Variants in PLXDC1 observed in about 807,000 individuals in gnomAD.
PLXDC1 encodes the protein plexin domain containing 1, also known as plexin domain-containing protein 1.
Under a neutral mutation model 61.3 loss-of-function variants are expected in PLXDC1, and 39 were observed. That is an observed-to-expected ratio of 0.64 (90% CI 0.49 to 0.83). The LOEUF (loss-of-function observed/expected upper bound fraction) is 0.83. Among genes scored for constraint, PLXDC1 ranks in the 40% least tolerant of loss-of-function variants. The probability of loss-of-function intolerance (pLI) is 0.00; values close to 1 mark genes in which losing one functional copy is unlikely to be tolerated. For missense variants in PLXDC1, 596 were observed against 666.5 expected, an observed-to-expected ratio of 0.89 and a Z score of 1.17; for synonymous variants, 212 against 254.5, an observed-to-expected ratio of 0.83 and a Z score of 1.59.
At chr17:39,094,947 A>G (rs1480537783) in intron 7 of PLXDC1, among the ~76,000 whole-genome samples, 1 of 152,150 alleles carries the variant, frequency 6.6e-6, no homozygotes, top group Non-Finnish European at 1.5e-5. Flanking sequence ...TTCCCTCATC[A>G]GAAGGAAGGG....
intron 7 of PLXDC1, among the ~76,000 whole-genome samples, chr17:39,094,925 C>T (rs1434938700): frequency 6.6e-6 from 1 of 152,164 alleles, no homozygotes; most frequent in Non-Finnish European, 1.5e-5. Context: ...TGCAAGGCTG[C>T]AGGGCAGAGC....
At chr17:39,104,017 C>T (rs973505311) in intron 7 of PLXDC1, among the ~76,000 whole-genome samples, 3 of 152,118 alleles carry the variant, frequency 2.0e-5, no homozygotes, top group Non-Finnish European at 2.9e-5. Flanking sequence ...ATCTGACCTG[C>T]GACACCAGCA....
chr17:39,108,757 C>T lies in PLXDC1; in HGVS notation c.469+147G>A, dbSNP rs570334395. 1.1e-5 allele frequency: 7 copies of T among 642,954 alleles called. No individual in the cohort carries two copies. The East Asian group carries it at 1.4e-4, about 13-fold the overall frequency. 39.8% of individuals were successfully genotyped at this position (642,954 alleles called of 1,614,324 possible). ...GATGCTCTGACGTCCACTGACCCCCCTCCTGAGAATCAGACTCCTATTAGA... is the reference window on the plus strand; with the variant it reads ...GATGCTCTGACGTCCACTGACCCCCTTCCTGAGAATCAGACTCCTATTAGA... On this transcript the variant is annotated intron_variant, in intron 4 of 13. Coordinates refer to ENST00000315392, the MANE Select transcript of PLXDC1 (RefSeq NM_020405.5).
At chr17:39,079,059 C>T in intron 10 of PLXDC1, 45 bp downstream of exon 10, 1 of 1,546,128 alleles carries the variant, frequency 6.5e-7, no homozygotes, top group Non-Finnish European at 8.9e-7. Context: ...CTCCTGTTCC[C>T]CACCACCTGG....
Position 39,149,147 on chromosome 17 carries a change from G to A in PLXDC1, c.76+2215C>T, listed in dbSNP as rs3025186. On this transcript the variant is annotated intron_variant, in intron 1 of 13. Transcript: ENST00000315392. ...TTGGGCCACTCATCTCTCTGCTGCTGCTGTTCTAATGATAGATGAGGTTTC... is the reference window on the plus strand; with the variant it reads ...TTGGGCCACTCATCTCTCTGCTGCTACTGTTCTAATGATAGATGAGGTTTC... Among the ~76,000 whole-genome samples the A allele has an allele frequency of 2.5e-3, 384 of 152,252 alleles. 2 individuals carry two copies. The highest frequency in any genetic ancestry group is 3.5e-3 in the Non-Finnish European group (239 of 68,012).
intron 9 of PLXDC1, chr17:39,080,366 G>C (rs1251987021): frequency 2.6e-5 from 4 of 152,182 alleles, no homozygotes; most frequent in Non-Finnish European, 5.9e-5. Context: ...CCCCATTTCT[G>C]GAGCTAATCC....
intron 2 of PLXDC1, among the ~76,000 whole-genome samples, chr17:39,129,045 C>T (rs751125003): frequency 2.2e-4 from 34 of 151,860 alleles, no homozygotes; most frequent in Non-Finnish European, 3.7e-4. Flanking sequence ...ATGCCAGATG[C>T]GGTGGTGCAC....
chr17:39,141,938 T>C (rs937661639), intron 1 of PLXDC1, among the ~76,000 whole-genome samples: 1 of 152,246 alleles, frequency 6.6e-6, no homozygotes, highest in African/African-American at 2.4e-5. Context: ...CATATGCTTG[T>C]GGGCCATTTG....
At chr17:39,136,610 A>G (rs1228208227) in intron 2 of PLXDC1, among the ~76,000 whole-genome samples, 1 of 152,120 alleles carries the variant, frequency 6.6e-6, no homozygotes, top group African/African-American at 2.4e-5. Context: ...CCTGAGATAC[A>G]AGGAAAAAAA....
At chr17:39,129,577 A>G (rs1004571655) in intron 2 of PLXDC1, among the ~76,000 whole-genome samples, 11 of 151,632 alleles carry the variant, frequency 7.3e-5, no homozygotes, top group Middle Eastern at 3.4e-3. Context: ...AGATTGCGCC[A>G]CTACACTCCA....
intron 7 of PLXDC1, among the ~76,000 whole-genome samples, chr17:39,102,352 A>G (rs1567761275): frequency 1.3e-5 from 2 of 152,116 alleles, no homozygotes; most frequent in Non-Finnish European, 2.9e-5. Flanking sequence ...ATGCCCACCT[A>G]TGAGGAGGGT....
At chr17:39,071,847 C>T (rs1909131958) in intron 12 of PLXDC1, among the ~76,000 whole-genome samples, 1 of 152,180 alleles carries the variant, frequency 6.6e-6, no homozygotes, top group Non-Finnish European at 1.5e-5. Context: ...AGCTGGAAGG[C>T]ACTTTCATCT....
chr17:39,108,941 G>A lies in PLXDC1; in HGVS notation c.432C>T (p.Tyr144=), dbSNP rs115094840. 144 of 1,613,498 alleles carry A rather than the reference G, an allele frequency of 8.9e-5. No homozygotes were observed. The highest frequency in any genetic ancestry group is 8.4e-4 in the South Asian group (76 of 90,970). ...TGGTGATCTGCCGCAGAGGATGCCC[G>A]TAGAAAGGGAAATCAAAGGACAAGA... The part of the protein sequence containing the change: ...RVVLSFDFPF[Y]GHPLRQITIA... Residue 144 remains tyrosine, a synonymous_variant, in exon 4 of 14, where the codon TAC becomes TAT. Transcript: ENST00000315392.
intron 2 of PLXDC1, among the ~76,000 whole-genome samples, chr17:39,130,746 G>A (rs1356503922): frequency 6.6e-6 from 1 of 151,948 alleles, no homozygotes; most frequent in African/African-American, 2.4e-5. Flanking sequence ...TATTTTAGTA[G>A]AGACGGGGTT....
chr17:39,126,896 C>G (rs1911327556), intron 2 of PLXDC1: 1 of 152,162 alleles, frequency 6.6e-6, no homozygotes, highest in South Asian at 2.1e-4. Flanking sequence ...ATTGGAGGAC[C>G]TACTGTACCT....
chr17:39,092,942 G>A (rs1168642063), intron 7 of PLXDC1, among the ~76,000 whole-genome samples: 2 of 152,192 alleles, frequency 1.3e-5, no homozygotes, highest in Admixed American at 6.5e-5. Flanking sequence ...ATGGAGTTAG[G>A]AAGAGACATG....
intron 8 of PLXDC1, among the ~76,000 whole-genome samples, chr17:39,087,171 T>C (rs1290426404): frequency 1.3e-5 from 2 of 152,154 alleles, no homozygotes; most frequent in African/African-American, 2.4e-5. Flanking sequence ...GTCCCTCCAT[T>C]GCCTCCTGCC....
intron 2 of PLXDC1, 96 bp downstream of exon 2, chr17:39,139,558 T>C: frequency 8.4e-7 from 1 of 1,190,464 alleles, no homozygotes; most frequent in South Asian, 1.5e-5. Context: ...CCCCAAATGA[T>C]ATGTGATTTG....
rs191178503 is a variant in PLXDC1, at chr17:39,089,718, A to T, written c.812-2016T>A. 2.5e-3 allele frequency among the ~76,000 whole-genome samples: 388 copies of T among 152,270 alleles called. 3 individuals are homozygous for T. The highest frequency in any genetic ancestry group is 8.6e-3 in the African/African-American group (359 of 41,548). On this transcript the variant is annotated intron_variant, in intron 7 of 13. Coordinates refer to ENST00000315392, the MANE Select transcript of PLXDC1 (RefSeq NM_020405.5). ...CACAAAGGGGTGGGCGTCCCGTGCC[A>T]CTGCTGGGTGCCCCACCCCCACATC...
Sources: gnomAD v4.1 joint callset for allele counts (sites outside exome capture counted in the v4.1 genomes callset) on GRCh38, gnomAD v4.1.1 for gene constraint, MANE v1.5 for transcripts, NCBI Gene and HGNC (gene_info 2026-07-23, HGNC 2026-07-21) for gene names.